Variants in COG4 observed in about 807,000 individuals in gnomAD.
The protein encoded by COG4 is conserved oligomeric Golgi complex subunit 4.
Under a neutral mutation model 95.1 loss-of-function variants are expected in COG4, and 65 were observed. The observed-to-expected ratio is 0.68, with a 90% CI of 0.56 to 0.84. The LOEUF (loss-of-function observed/expected upper bound fraction) is 0.84. Ranked by LOEUF, COG4 falls within the 40% of genes least tolerant of loss-of-function variation. The pLI is 0.00. For missense variants in COG4, 1,045 were observed against 989.1 expected, an observed-to-expected ratio of 1.06 and a Z score of -0.76; for synonymous variants, 421 against 374.8, an observed-to-expected ratio of 1.12 and a Z score of -1.42.
At chr16:70,510,723 A>G (rs2151759167) in intron 5 of COG4, among the ~76,000 whole-genome samples, 1 of 152,084 alleles carries the variant, frequency 6.6e-6, no homozygotes, top group East Asian at 1.9e-4. Flanking sequence ...TAGGTCCCAG[A>G]TGTCAAAGTA....
intron 12 of COG4, among the ~76,000 whole-genome samples, chr16:70,491,423 G>T (rs774065719): frequency 1.8e-4 from 27 of 150,752 alleles, no homozygotes; most frequent in Non-Finnish European, 1.6e-4. Context: ...AGGAGGCTGA[G>T]GCAGGAGAAT....
intron 1 of COG4, among the ~76,000 whole-genome samples, chr16:70,522,516 T>C (rs1372846705): frequency 3.9e-5 from 6 of 152,236 alleles, no homozygotes; most frequent in Admixed American, 6.5e-5. Context: ...CAGAAACTGC[T>C]AGAGTTAGTG....
intron 13 of COG4, among the ~76,000 whole-genome samples, chr16:70,485,376 C>G (rs8059200): frequency 0.12 from 18,250 of 151,040 alleles, 3,649 homozygotes; most frequent in African/African-American, 0.42. Context: ...ACTAATTTTT[C>G]TATTTTTAGT....
Position 70,523,509 on chromosome 16 carries a change from G to C in COG4, c.35C>G (p.Pro12Arg), listed in dbSNP as rs146758430. 1.2e-6 allele frequency: 2 copies of C among 1,613,922 alleles called. No individual in the cohort carries two copies. Among genetic ancestry groups the C allele is most frequent in the Admixed American group, 1.7e-5 (1 of 59,992 alleles). Reference protein sequence around the residue: ...GTKMADLDSPPKLSGVQQPSE... With the variant: ...GTKMADLDSPRKLSGVQQPSE... The stretch of plus-strand genomic sequence containing the variant: ...CGGCTGCTGCACCCCTGACAGCTTC[G>C]GAGGCGAATCAAGGTCCGCCATCTT... Residue 12 changes from proline to arginine, a missense_variant, in exon 1 of 19, where the codon CCG (proline) becomes CGG (arginine). Pro to Arg is a moderately radical substitution (Grantham distance 103, BLOSUM62 -2). Transcript: ENST00000323786.
At chr16:70,483,481 G>A (rs537185441) in intron 14 of COG4, among the ~76,000 whole-genome samples, 3 of 151,882 alleles carry the variant, frequency 2.0e-5, no homozygotes, top group African/African-American at 7.2e-5. Context: ...GTAACGATGA[G>A]GCCTTGAGAC....
intron 13 of COG4, among the ~76,000 whole-genome samples, chr16:70,486,364 A>C (rs1427594175): frequency 1.3e-5 from 2 of 152,160 alleles, no homozygotes; most frequent in Non-Finnish European, 2.9e-5. Context: ...TGGAAGAACT[A>C]AGAGGGACTC....
chr16:70,523,427 G>T lies in COG4; in HGVS notation c.117C>A (p.Ser39=). The part of the protein sequence containing the change: ...CSEISAELIR[S]LTELQELEAV... ...CCTCCAGCTCCTGCAGCTCTGTCAG[G>T]GAGCGAATGAGCTCAGCGGAGATTT... Residue 39 remains serine, a synonymous_variant, in exon 1 of 19, where the codon TCC becomes TCA. Transcript: ENST00000323786. The T allele has an allele frequency of 6.2e-7, 1 of 1,614,084 alleles. No individual in the cohort carries two copies. The highest frequency in any genetic ancestry group is 1.1e-5 in the South Asian group (1 of 91,074).
At chr16:70,482,509 G>C in intron 15 of COG4, 1 of 621,764 alleles carries the variant, frequency 1.6e-6, no homozygotes, top group South Asian at 1.9e-5. Flanking sequence ...GCTCCAATAA[G>C]GGAATAAGTT....
At chr16:70,511,809 G>T (rs1401752290) in intron 5 of COG4, among the ~76,000 whole-genome samples, 1 of 152,120 alleles carries the variant, frequency 6.6e-6, no homozygotes, top group Non-Finnish European at 1.5e-5. Context: ...GCATATGCCT[G>T]TAATCCCAGC....
intron 12 of COG4, among the ~76,000 whole-genome samples, chr16:70,495,397 C>CAAAAAAAAAAAAAAAAAAAAAAAAAA (rs11382671): frequency 9.9e-5 from 11 of 111,306 alleles, no homozygotes; most frequent in African/African-American, 3.5e-4. Context: ...GACTCCATCT[C>CAAAAAAAAAAAAAAAAAAAAAAAAAA]AAAAAAAAAA....
intron 13 of COG4, among the ~76,000 whole-genome samples, chr16:70,490,098 A>G (rs1000801249): frequency 1.3e-5 from 2 of 152,148 alleles, no homozygotes; most frequent in African/African-American, 4.8e-5. Context: ...GATTACAGGA[A>G]TGTGCCACCG....
chr16:70,515,576 C>T (rs1010093214), intron 3 of COG4, among the ~76,000 whole-genome samples: 7 of 151,988 alleles, frequency 4.6e-5, no homozygotes, highest in African/African-American at 1.2e-4. Context: ...CCCAGCTACT[C>T]GGGAGGCTGA....
chr16:70,499,386 C>T (rs1055342197), intron 9 of COG4, among the ~76,000 whole-genome samples: 9 of 152,272 alleles, frequency 5.9e-5, no homozygotes, highest in African/African-American at 1.7e-4. Context: ...CATTGACAAG[C>T]GAACTCCAAA....
At chr16:70,508,759 G>A (rs1434291513) in intron 7 of COG4, 1 of 605,744 alleles carries the variant, frequency 1.7e-6, no homozygotes, top group Admixed American at 2.2e-5. Flanking sequence ...ACAATTGTAT[G>A]AGGCCACTCC....
intron 11 of COG4, among the ~76,000 whole-genome samples, 179 bp from the exon 12 acceptor site, chr16:70,496,610 G>A (rs934637366): frequency 6.6e-6 from 1 of 152,144 alleles, no homozygotes; most frequent in Admixed American, 6.5e-5. Flanking sequence ...CCAGCACCCC[G>A]TCAAGGACAC....
At chr16:70,499,882 G>C (rs1258654170) in intron 9 of COG4, among the ~76,000 whole-genome samples, 1 of 152,110 alleles carries the variant, frequency 6.6e-6, no homozygotes, top group Non-Finnish European at 1.5e-5. Context: ...GGACGGTCTT[G>C]ATCTCCTGAC....
chr16:70,516,790 A>G (rs902038908), intron 3 of COG4, among the ~76,000 whole-genome samples: 4 of 149,856 alleles, frequency 2.7e-5, no homozygotes, highest in African/African-American at 9.8e-5. Flanking sequence ...TTAATTTGCA[A>G]CTCCACTCTG....
chr16:70,510,513 T>C (rs1428223254), intron 5 of COG4, among the ~76,000 whole-genome samples: 1 of 151,180 alleles, frequency 6.6e-6, no homozygotes, highest in Non-Finnish European at 1.5e-5. Context: ...TCTGTAGAGA[T>C]GGGGTCCTGC....
At chr16:70,496,797 G>A (rs1389010037) in intron 11 of COG4, among the ~76,000 whole-genome samples, 1 of 152,184 alleles carries the variant, frequency 6.6e-6, no homozygotes, top group Non-Finnish European at 1.5e-5. Flanking sequence ...CTCCTAAGTG[G>A]TGGATCTTTG....
Sources: gnomAD v4.1 joint callset for allele counts (sites outside exome capture counted in the v4.1 genomes callset) on GRCh38, gnomAD v4.1.1 for gene constraint, MANE v1.5 for transcripts, NCBI Gene and HGNC (gene_info 2026-07-23, HGNC 2026-07-21) for gene names.